Variants in THSD7A observed in about 807,000 individuals in gnomAD.
THSD7A encodes the protein thrombospondin type 1 domain containing 7A.
A neutral mutation model predicts 231.3 loss-of-function variants in THSD7A; 96 were observed. The observed-to-expected ratio is 0.41, with a 90% confidence interval of 0.35 to 0.49. THSD7A has a LOEUF of 0.49. Among genes scored for constraint, THSD7A ranks in the 20% least tolerant of loss-of-function variants. The pLI, the probability that THSD7A is intolerant of heterozygous loss-of-function variation, is 0.05. For synonymous variants in THSD7A, 940 were observed against 743.3 expected (o/e 1.26, Z -4.30); for missense variants, 2,290 against 2,070.2 (o/e 1.11, Z -2.06).
At chr7:11,564,940 A>G (rs1178109555) in intron 4 of THSD7A, among the ~76,000 whole-genome samples, 2 of 152,204 alleles carry the variant, frequency 1.3e-5, no homozygotes, top group African/African-American at 4.8e-5. Context: ...CATTGTTAGA[A>G]TTTAAATTTC....
intron 6 of THSD7A, among the ~76,000 whole-genome samples, chr7:11,492,417 T>A (rs372458628): frequency 3.9e-5 from 6 of 152,162 alleles, no homozygotes; most frequent in African/African-American, 1.4e-4. Flanking sequence ...TGCAAACAAG[T>A]CTACTGGGTA....
intron 2 of THSD7A, among the ~76,000 whole-genome samples, chr7:11,599,607 T>C (rs1043923345): frequency 6.6e-6 from 1 of 152,184 alleles, no homozygotes; most frequent in Non-Finnish European, 1.5e-5. Context: ...GATTGGTGCA[T>C]TTCTGGTTGT....
intron 23 of THSD7A, among the ~76,000 whole-genome samples, chr7:11,389,489 C>T (rs1365697319): frequency 6.1e-5 from 7 of 114,542 alleles, no homozygotes; most frequent in Admixed American, 1.1e-4. Context: ...ATCCCTCCAT[C>T]CCTTTATTTT....
intron 1 of THSD7A, among the ~76,000 whole-genome samples, chr7:11,816,586 AG>A (rs1320815108): frequency 3.6e-5 from 5 of 137,302 alleles, no homozygotes; most frequent in African/African-American, 1.1e-4. Flanking sequence ...AGACATAAAA[AG>A]GGTCTTAAAA....
chr7:11,821,485 CAG>C (rs991754876), intron 1 of THSD7A, among the ~76,000 whole-genome samples: 4 of 151,006 alleles, frequency 2.6e-5, no homozygotes, highest in African/African-American at 9.7e-5. Context: ...AAAGAGAAAA[CAG>C]AACATGTAAA....
intron 1 of THSD7A, among the ~76,000 whole-genome samples, chr7:11,815,457 A>T (rs1467753940): frequency 6.6e-6 from 1 of 152,088 alleles, no homozygotes; most frequent in African/African-American, 2.4e-5. Flanking sequence ...ATACCTGTAC[A>T]TATAAATATA....
chr7:11,375,709 C>T lies in THSD7A; in HGVS notation c.*85G>A, dbSNP rs1782241530. The T allele has an allele frequency of 3.7e-6, 4 of 1,091,700 alleles. No homozygotes were observed. The Admixed American group carries it at 8.6e-5, about 23-fold the overall frequency. 67.6% of individuals were successfully genotyped at this position (1,091,700 alleles called of 1,614,324 possible). ...AAAAATTAAAATATATTTTAATCCA[C>T]ACAGTTTGGATACATTTGTTGTGGC... On this transcript the variant is annotated 3_prime_UTR_variant, in exon 28 of 28. Coordinates refer to ENST00000423059, the MANE Select transcript of THSD7A (RefSeq NM_015204.3).
At chr7:11,468,782 C>T (rs993180299) in intron 9 of THSD7A, among the ~76,000 whole-genome samples, 6 of 151,594 alleles carry the variant, frequency 4.0e-5, no homozygotes, top group East Asian at 1.9e-4. Flanking sequence ...TGCAATGGGC[C>T]GAAATTGAGC....
At chr7:11,807,970 A>T (rs557599513) in intron 1 of THSD7A, among the ~76,000 whole-genome samples, 6 of 152,030 alleles carry the variant, frequency 3.9e-5, no homozygotes, top group African/African-American at 1.4e-4. Context: ...CAATACTGAA[A>T]CTCACTCCCG....
rs1554296552 is a variant in THSD7A, at chr7:11,373,077, G to GTGTATATA, written c.*2716_*2717insTATATACA. On this transcript the variant is annotated 3_prime_UTR_variant, in exon 28 of 28. Coordinates refer to ENST00000423059, the MANE Select transcript of THSD7A (RefSeq NM_015204.3). ...TATATGGGTGTGTGTGTGTGTGTGT[G>GTGTATATA]TATATATATATATGCATGCATATAT... 9 of 149,552 alleles carry GTGTATATA rather than the reference G, an allele frequency of 6.0e-5. No homozygotes were observed. The highest frequency in any genetic ancestry group is 2.0e-4 in the African/African-American group (8 of 40,662). The allele number at this position is 149,552 out of a possible 1,614,324, so 9.3% of individuals were successfully genotyped here.
At chr7:11,739,610 G>A (rs1452210966) in intron 1 of THSD7A, among the ~76,000 whole-genome samples, 1 of 151,002 alleles carries the variant, frequency 6.6e-6, no homozygotes, top group Non-Finnish European at 1.5e-5. Context: ...ATAGAAAGAG[G>A]GTCTCACTAT....
chr7:11,439,555 G>T (rs1449060696), intron 13 of THSD7A, among the ~76,000 whole-genome samples: 1 of 152,008 alleles, frequency 6.6e-6, no homozygotes, highest in African/African-American at 2.4e-5. Context: ...GAAGGAAATT[G>T]AAAGTAGTAC....
At chr7:11,621,785 C>T (rs1267187863) in intron 2 of THSD7A, among the ~76,000 whole-genome samples, 2 of 151,798 alleles carry the variant, frequency 1.3e-5, no homozygotes. Context: ...TAATGGAAAC[C>T]AGTGATGCAG....
chr7:11,631,196 G>A (rs1176402447), intron 2 of THSD7A, among the ~76,000 whole-genome samples: 4 of 152,060 alleles, frequency 2.6e-5, no homozygotes, highest in Non-Finnish European at 4.4e-5. Context: ...CTTTAGAGGA[G>A]TCTCTTTCAT....
At chr7:11,821,777 C>T (rs183271796) in intron 1 of THSD7A, among the ~76,000 whole-genome samples, 2 of 152,284 alleles carry the variant, frequency 1.3e-5, no homozygotes, top group Admixed American at 6.5e-5. Context: ...TAAGGGAACA[C>T]ATTTGTGCTT....
chr7:11,611,840 G>GTCTGTCTATCTA (rs1554349790), intron 2 of THSD7A, among the ~76,000 whole-genome samples: 5 of 139,428 alleles, frequency 3.6e-5, no homozygotes, highest in Non-Finnish European at 6.1e-5. Flanking sequence ...ACTATCATCT[G>GTCTGTCTATCTA]TCTATCTATC....
chr7:11,655,219 G>C (rs879710915), intron 1 of THSD7A, among the ~76,000 whole-genome samples: 6 of 150,992 alleles, frequency 4.0e-5, no homozygotes, highest in African/African-American at 1.5e-4. Flanking sequence ...AAATAATTAA[G>C]TAAATTATGA....
chr7:11,766,125 C>T (rs1783021898), intron 1 of THSD7A, among the ~76,000 whole-genome samples: 1 of 152,134 alleles, frequency 6.6e-6, no homozygotes, highest in Non-Finnish European at 1.5e-5. Flanking sequence ...TCTCATGCCC[C>T]TTGACCTTCT....
intron 4 of THSD7A, among the ~76,000 whole-genome samples, chr7:11,580,743 G>A (rs1216943987): frequency 3.3e-5 from 5 of 152,048 alleles, no homozygotes; most frequent in Non-Finnish European, 7.4e-5. Context: ...AAGATGGAGG[G>A]TGGAAGGAGG....
Sources: gnomAD v4.1 joint callset for allele counts (sites outside exome capture counted in the v4.1 genomes callset) on GRCh38, gnomAD v4.1.1 for gene constraint, MANE v1.5 for transcripts, NCBI Gene and HGNC (gene_info 2026-07-23, HGNC 2026-07-21) for gene names.